The following SUSD4 variants were observed in gnomAD, a reference collection of about 807,000 sequenced individuals.
SUSD4 encodes the protein sushi domain containing 4.
A neutral mutation model predicts 50.5 loss-of-function variants in SUSD4; 41 were observed. That is an observed-to-expected ratio of 0.81 (90% CI 0.63 to 1.05). The LOEUF (loss-of-function observed/expected upper bound fraction) is 1.05, where lower values mean the gene tolerates loss of function less well. Ranked by LOEUF, SUSD4 falls within the 50% of genes least tolerant of loss-of-function variation. SUSD4 has a pLI of 0.00. For synonymous variants in SUSD4, 257 were observed against 257.3 expected, an observed-to-expected ratio of 1.00 and a Z score of 0.01; for missense variants, 580 against 634.7, an observed-to-expected ratio of 0.91 and a Z score of 0.93.
At chr1:223,271,026 G>T (rs570560747) in intron 3 of SUSD4, among the ~76,000 whole-genome samples, 6 of 151,792 alleles carry the variant, frequency 4.0e-5, no homozygotes, top group East Asian at 1.9e-4. Flanking sequence ...TGTGAATTAC[G>T]TTTTTTCAAT....
At chr1:223,302,936 C>T (rs1279471923) in intron 2 of SUSD4, among the ~76,000 whole-genome samples, 1 of 152,054 alleles carries the variant, frequency 6.6e-6, no homozygotes, top group African/African-American at 2.4e-5. Flanking sequence ...CTAGGAGTTT[C>T]AGACCAGCCT....
At chr1:223,294,529 A>G (rs1664702764) in intron 2 of SUSD4, among the ~76,000 whole-genome samples, 1 of 152,210 alleles carries the variant, frequency 6.6e-6, no homozygotes, top group Non-Finnish European at 1.5e-5. Flanking sequence ...TGCTGTGCTG[A>G]AAGCCACACA....
intron 2 of SUSD4, among the ~76,000 whole-genome samples, chr1:223,354,505 T>C (rs1668549146): frequency 6.6e-6 from 1 of 152,240 alleles, no homozygotes; most frequent in African/African-American, 2.4e-5. Context: ...TCAGAGGAAC[T>C]GTACATTTCC....
chr1:223,309,386 G>A (rs990791177), intron 2 of SUSD4, among the ~76,000 whole-genome samples: 65 of 152,106 alleles, frequency 4.3e-4, no homozygotes, highest in Non-Finnish European at 1.6e-4. Flanking sequence ...GCTTCTTCTG[G>A]GGGAAGCAGA....
At chr1:223,296,324 G>A (rs1558225843) in intron 2 of SUSD4, among the ~76,000 whole-genome samples, 1 of 152,186 alleles carries the variant, frequency 6.6e-6, no homozygotes, top group Non-Finnish European at 1.5e-5. Flanking sequence ...ATCAATGTCA[G>A]GGTAGATGGC....
intron 2 of SUSD4, among the ~76,000 whole-genome samples, chr1:223,350,546 T>C (rs913607956): frequency 6.6e-6 from 1 of 152,220 alleles, no homozygotes; most frequent in African/African-American, 2.4e-5. Flanking sequence ...TCACTGCAGC[T>C]GTCGTTGCTG....
chr1:223,348,975 C>G (rs1390513263), intron 2 of SUSD4, among the ~76,000 whole-genome samples: 2 of 151,980 alleles, frequency 1.3e-5, no homozygotes, highest in Admixed American at 6.5e-5. Flanking sequence ...CTCAGAAGCT[C>G]TGGGAGGTGC....
rs1185334021 is a variant in SUSD4, at chr1:223,223,336, T to TGC, written c.1355_1356dup (p.Thr453AlafsTer11). ...TCAGGGTTGTCCGAAGCAGGGTGGG[T>TGC]GCTCTCTTGGCACCTGGGAGGTGAA... On this transcript the variant is annotated frameshift_variant, in exon 8 of 9. Transcript: ENST00000366878. LOFTEE classifies it high-confidence loss of function. The TGC allele has an allele frequency of 6.2e-7, 1 of 1,611,042 alleles. No homozygotes were observed. Among genetic ancestry groups the TGC allele is most frequent in the Non-Finnish European group, 8.5e-7 (1 of 1,178,710 alleles).
intron 2 of SUSD4, among the ~76,000 whole-genome samples, chr1:223,305,035 T>TTA: frequency 6.6e-6 from 1 of 151,762 alleles, no homozygotes; most frequent in East Asian, 1.9e-4. Context: ...ACAATTGAAC[T>TTA]TAGGAGCAAT....
chr1:223,248,054 A>G (rs1173524996), intron 5 of SUSD4, among the ~76,000 whole-genome samples: 1 of 152,138 alleles, frequency 6.6e-6, no homozygotes, highest in African/African-American at 2.4e-5. Flanking sequence ...AGCAACACCT[A>G]CTCAATCAGA....
intron 2 of SUSD4, among the ~76,000 whole-genome samples, chr1:223,343,670 ATTTAT>A (rs1354834840): frequency 6.6e-6 from 1 of 152,222 alleles, no homozygotes. Flanking sequence ...TTAGTGTGAC[ATTTAT>A]TTTGTTAACG....
Position 223,227,482 on chromosome 1 carries a change from CCT to C in SUSD4, c.1061+110_1061+111del, listed in dbSNP as rs375184099. The C allele has an allele frequency of 2.3e-4, 314 of 1,393,864 alleles. 2 individuals carry two copies. In the African/African-American group the frequency reaches 3.0e-3, roughly 13 times the overall value. The allele number at this position is 1,393,864 out of a possible 1,614,324, so 86.3% of individuals were successfully genotyped here. A position where few individuals can be genotyped will look rare whatever the true frequency, so the allele number is the denominator to read the frequency against. ...TCCCAGAACATTGTTTTTGCTCTCCCCTGTTTCCCTTTAGAGCTTCAACTTTT... is the reference window on the plus strand; with the variant it reads ...TCCCAGAACATTGTTTTTGCTCTCCCGTTTCCCTTTAGAGCTTCAACTTTT... On this transcript the variant is annotated intron_variant, in intron 7 of 8. Coordinates refer to ENST00000366878, the MANE Select transcript of SUSD4 (RefSeq NM_017982.4). The surrounding 1 kb of genome is among the most constrained non-coding windows in gnomAD (Gnocchi z 4.5).
At chr1:223,257,375 C>T (rs1385395304) in intron 5 of SUSD4, among the ~76,000 whole-genome samples, 2 of 152,028 alleles carry the variant, frequency 1.3e-5, no homozygotes, top group Non-Finnish European at 2.9e-5. Context: ...CAAAAAAAAA[C>T]ATAGGCAAGG....
chr1:223,281,768 T>G (rs1399195046), intron 3 of SUSD4, among the ~76,000 whole-genome samples: 2 of 152,222 alleles, frequency 1.3e-5, no homozygotes, highest in South Asian at 2.1e-4. Context: ...TACCAAAGCC[T>G]GGCAGAGACA....
chr1:223,288,596 A>T (rs1664290818), intron 3 of SUSD4, among the ~76,000 whole-genome samples: 1 of 151,840 alleles, frequency 6.6e-6, no homozygotes, highest in African/African-American at 2.4e-5. Context: ...AAAACCAAAA[A>T]CTCCTATCTG....
chr1:223,229,759 A>C lies in SUSD4; in HGVS notation c.725-371T>G, dbSNP rs1659768936. Among the ~76,000 whole-genome samples, 1 of 152,236 alleles carries C rather than the reference A, an allele frequency of 6.6e-6. No homozygotes were observed. The highest frequency in any genetic ancestry group is 1.5e-5 in the Non-Finnish European group (1 of 68,044). On this transcript the variant is annotated intron_variant, in intron 5 of 8. Transcript: ENST00000366878. This position sits in a 1 kb window ranked among gnomAD's most constrained non-coding sequence, Gnocchi z 4.7. ...TAAAATTAACATATTTCTGTACAAA[A>C]TCTTTACTGAAAGGCATAGTTATCC...
intron 5 of SUSD4, among the ~76,000 whole-genome samples, chr1:223,234,475 T>C (rs1660085127): frequency 6.6e-6 from 1 of 152,228 alleles, no homozygotes; most frequent in Admixed American, 6.5e-5. Flanking sequence ...GCCGTGTCTC[T>C]AGAGTTTTTC....
intron 5 of SUSD4, among the ~76,000 whole-genome samples, chr1:223,242,878 G>C (rs556264994): frequency 1.6e-4 from 24 of 152,274 alleles, no homozygotes; most frequent in African/African-American, 5.8e-4. Context: ...GGAGAGTGTG[G>C]GGAAAAGAAA....
At chr1:223,364,747 G>A (rs1197396038), upstream of SUSD4, among the ~76,000 whole-genome samples, 2 of 151,928 alleles carry the variant, frequency 1.3e-5, no homozygotes, top group South Asian at 2.1e-4. This position sits in a 1 kb window ranked among gnomAD's most constrained non-coding sequence, Gnocchi z 4.5. Flanking sequence ...GGGCGAGTGC[G>A]CGGCCGGCAG....
Sources: gnomAD v4.1 joint callset for allele counts (sites outside exome capture counted in the v4.1 genomes callset) on GRCh38, gnomAD v4.1.1 for gene constraint, Gnocchi (gnomAD v3.1) non-coding constraint, MANE v1.5 for transcripts, NCBI Gene and HGNC (gene_info 2026-07-23, HGNC 2026-07-21) for gene names.